Variants in CDH4 observed in about 807,000 individuals in gnomAD.
CDH4 encodes cadherin-4.
A neutral mutation model predicts 86.0 loss-of-function variants in CDH4; 33 were observed. The ratio of observed to expected loss-of-function variants is 0.38; its 90% CI spans 0.29 to 0.51. The LOEUF is 0.51. CDH4 is among the 20% of genes least tolerant of loss of function. The pLI is 0.86. For missense variants in CDH4, 1,114 were observed against 1,307.4 expected (o/e 0.85, Z 2.28); for synonymous variants, 555 against 549.4 (o/e 1.01, Z -0.14).
At chr20:61,820,780 C>A (rs1274802423) in intron 4 of CDH4, among the ~76,000 whole-genome samples, 1 of 152,174 alleles carries the variant, frequency 6.6e-6, no homozygotes, top group African/African-American at 2.4e-5. Flanking sequence ...TTTCTGAAGC[C>A]AAGTTGCCTC....
At chr20:61,758,639 C>T (rs1448876417) in intron 3 of CDH4, among the ~76,000 whole-genome samples, 1 of 152,192 alleles carries the variant, frequency 6.6e-6, no homozygotes, top group East Asian at 1.9e-4. Context: ...GACCTCAGGA[C>T]TGCACGTGGC....
intron 3 of CDH4, among the ~76,000 whole-genome samples, chr20:61,758,374 G>A (rs915798575): frequency 2.0e-5 from 3 of 152,200 alleles, no homozygotes; most frequent in Admixed American, 6.5e-5. Flanking sequence ...GCTCTGCCTC[G>A]GGCCCTGGGC....
At chr20:61,400,309 G>T (rs918603052) in intron 2 of CDH4, among the ~76,000 whole-genome samples, 1 of 152,174 alleles carries the variant, frequency 6.6e-6, no homozygotes, top group Non-Finnish European at 1.5e-5. Flanking sequence ...AGGAGTTATA[G>T]TTATTGGAAA....
At chr20:61,799,966 T>C (rs1236950946) in intron 4 of CDH4, among the ~76,000 whole-genome samples, 1 of 152,130 alleles carries the variant, frequency 6.6e-6, no homozygotes, top group Non-Finnish European at 1.5e-5. Flanking sequence ...CATCTCCGCT[T>C]GTCTTCATGG....
chr20:61,903,540 T>TAAAAAAAAAAAAAAA (rs60370683), intron 8 of CDH4, among the ~76,000 whole-genome samples: 8 of 90,886 alleles, frequency 8.8e-5, no homozygotes, highest in African/African-American at 3.8e-4. Context: ...AGAGACTCCA[T>TAAAAAAAAAAAAAAA]AAAAAAAAAA....
chr20:61,584,907 C>G (rs932947459), intron 2 of CDH4, among the ~76,000 whole-genome samples: 7 of 152,176 alleles, frequency 4.6e-5, no homozygotes, highest in African/African-American at 1.7e-4. Context: ...GTGAGATGAG[C>G]AGGTGTCTGA....
chr20:61,521,258 G>A (rs2085866881), intron 2 of CDH4, among the ~76,000 whole-genome samples: 2 of 152,282 alleles, frequency 1.3e-5, no homozygotes, highest in African/African-American at 4.8e-5. Context: ...TGTGCTCACA[G>A]CCTCCTCCAG....
At chr20:61,300,137 T>C (rs902560335) in intron 2 of CDH4, among the ~76,000 whole-genome samples, 3 of 151,982 alleles carry the variant, frequency 2.0e-5, no homozygotes, top group African/African-American at 7.2e-5. Context: ...TACGGTGGCA[T>C]GGGGAGGGCG....
At chr20:61,373,701 G>A (rs184281946) in intron 2 of CDH4, among the ~76,000 whole-genome samples, 2 of 152,172 alleles carry the variant, frequency 1.3e-5, no homozygotes, top group Non-Finnish European at 2.9e-5. Flanking sequence ...GATATTTGGG[G>A]CTGTTTTGTC....
intron 2 of CDH4, among the ~76,000 whole-genome samples, chr20:61,665,315 C>T (rs1398565740): frequency 6.6e-6 from 1 of 152,278 alleles, no homozygotes. Context: ...TTCTGCTGTT[C>T]TCTGGCTTGG....
At chr20:61,547,046 C>T (rs1042088930) in intron 2 of CDH4, among the ~76,000 whole-genome samples, 5 of 151,120 alleles carry the variant, frequency 3.3e-5, no homozygotes, top group Non-Finnish European at 5.9e-5. Context: ...ATCGCTGCCT[C>T]CCTCCCTTCT....
chr20:61,852,959 C>T (rs1277983530), intron 6 of CDH4, 61 bp downstream of exon 6: 2 of 1,558,764 alleles, frequency 1.3e-6, no homozygotes, highest in African/African-American at 1.4e-5. Context: ...CAGCACAGGC[C>T]CTGAGGGCAG....
At chr20:61,716,380 G>GCTGGACCTGTAAAGGGGTGGCCCCTTGA (rs1568773376) in intron 2 of CDH4, among the ~76,000 whole-genome samples, 1 of 147,674 alleles carries the variant, frequency 6.8e-6, no homozygotes, top group African/African-American at 2.6e-5. Context: ...CCTCCTCTTG[G>GCTGGACCTGTAAAGGGGTGGCCCCTTGA]CTGGAGCTGT....
chr20:61,912,909 G>A (rs1204427644), intron 9 of CDH4, among the ~76,000 whole-genome samples: 4 of 152,220 alleles, frequency 2.6e-5, no homozygotes, highest in Admixed American at 6.5e-5. Flanking sequence ...CCCACAAGGT[G>A]AATCGTCAGC....
In CDH4 at chr20:61,810,954, A is replaced by G. The variant is rs779594834; in HGVS notation, c.577-33714A>G. Among the ~76,000 whole-genome samples the G allele has an allele frequency of 2.0e-5, 3 of 152,222 alleles. No individual in the cohort carries two copies. Among genetic ancestry groups the G allele is most frequent in the Non-Finnish European group, 4.4e-5 (3 of 68,038 alleles). On this transcript the variant is annotated intron_variant, in intron 4 of 15. Coordinates refer to ENST00000614565, the MANE Select transcript of CDH4 (RefSeq NM_001794.5). The surrounding 1 kb of genome is among the most constrained non-coding windows in gnomAD (Gnocchi z 4.3). The stretch of plus-strand genomic sequence containing the variant: ...GCCTGCAGAGCCTGCGTTATCCTGC[A>G]CTGCAAATGATGCTGCATTTGTAAC...
chr20:61,777,799 CGTGCATACAAAAACACACATCCACATG>C lies in CDH4; in HGVS notation c.576+4618_576+4644del, dbSNP rs2088862836. Among the ~76,000 whole-genome samples the C allele has an allele frequency of 1.3e-5, 2 of 150,998 alleles. 1 individual carries two copies. The highest frequency in any genetic ancestry group is 4.9e-5 in the African/African-American group (2 of 40,948). On this transcript the variant is annotated intron_variant, in intron 4 of 15. Transcript: ENST00000614565. Reference sequence around the variant, plus strand: ...AAACACACATCCACATGCGCACACACGTGCATACAAAAACACACATCCACATGCGCACGCACTTGCATACAAAAACAC... The same window carrying C: ...AAACACACATCCACATGCGCACACACCGCACGCACTTGCATACAAAAACAC...
chr20:61,394,003 C>G (rs758333340), intron 2 of CDH4, among the ~76,000 whole-genome samples: 4 of 152,132 alleles, frequency 2.6e-5, no homozygotes, highest in Non-Finnish European at 4.4e-5. Context: ...TCACAGAAGA[C>G]GTATAATACA....
intron 2 of CDH4, among the ~76,000 whole-genome samples, chr20:61,356,713 A>G (rs564578127): frequency 1.3e-5 from 2 of 152,322 alleles, no homozygotes; most frequent in South Asian, 4.1e-4. Flanking sequence ...CTGTTTTTGC[A>G]TTAGTGAAGC....
intron 2 of CDH4, among the ~76,000 whole-genome samples, chr20:61,421,383 A>G (rs189482234): frequency 3.3e-5 from 5 of 152,374 alleles, no homozygotes; most frequent in African/African-American, 1.2e-4. Flanking sequence ...ACTCACGTGA[A>G]GTGCATAGAC....
Sources: allele counts gnomAD v4.1 joint callset (sites outside exome capture counted in the v4.1 genomes callset), GRCh38; gene constraint gnomAD v4.1.1; non-coding constraint Gnocchi (gnomAD v3.1); transcripts MANE v1.5; gene names NCBI Gene and HGNC (gene_info 2026-07-23, HGNC 2026-07-21).